Variants in PTPRQ observed in about 807,000 individuals in gnomAD.
The protein encoded by PTPRQ is phosphatidylinositol phosphatase PTPRQ.
Under a neutral mutation model 246.0 loss-of-function variants are expected in PTPRQ, and 199 were observed. That is an observed-to-expected ratio of 0.81 (90% CI 0.72 to 0.91). PTPRQ has a LOEUF of 0.91. PTPRQ is among the 40% of genes least tolerant of loss of function. PTPRQ has a pLI of 0.00. For missense variants in PTPRQ, 2,624 were observed against 2,528.4 expected (o/e 1.04, Z -0.81); for synonymous variants, 869 against 853.2 (o/e 1.02, Z -0.32).
chr12:80,604,233 G>A (rs951983300), intron 26 of PTPRQ, among the ~76,000 whole-genome samples: 1 of 151,312 alleles, frequency 6.6e-6, no homozygotes, highest in Non-Finnish European at 1.5e-5. Flanking sequence ...ATTGACTAGG[G>A]GCCCCAGGAG....
At chr12:80,494,038 T>C (rs61950958) in intron 10 of PTPRQ, among the ~76,000 whole-genome samples, 6,814 of 152,130 alleles carry the variant, frequency 0.045, 172 homozygotes, top group Middle Eastern at 0.095. Flanking sequence ...AAATGTTAAA[T>C]GAGAAAAACA....
At chr12:80,603,665 A>G (rs1898214855) in intron 26 of PTPRQ, among the ~76,000 whole-genome samples, 1 of 151,566 alleles carries the variant, frequency 6.6e-6, no homozygotes, top group South Asian at 2.1e-4. Flanking sequence ...ATACAACTCT[A>G]TCTGTCTGTG....
At chr12:80,534,545 C>G (rs1312110782) in intron 18 of PTPRQ, among the ~76,000 whole-genome samples, 1 of 151,846 alleles carries the variant, frequency 6.6e-6, no homozygotes, top group Non-Finnish European at 1.5e-5. Context: ...TTTTATTATT[C>G]AATATAAAAA....
intron 9 of PTPRQ, among the ~76,000 whole-genome samples, chr12:80,490,200 A>G (rs1009132347): frequency 6.6e-6 from 1 of 151,992 alleles, no homozygotes; most frequent in African/African-American, 2.4e-5. Flanking sequence ...AATTAAAAAA[A>G]TTTTTCTTTT....
intron 35 of PTPRQ, among the ~76,000 whole-genome samples, chr12:80,643,990 T>C (rs532783970): frequency 1.3e-5 from 2 of 152,354 alleles, no homozygotes; most frequent in East Asian, 3.9e-4. Context: ...GTTTCTCAGT[T>C]TGTCCCATAC....
chr12:80,617,387 A>G (rs536466052), intron 30 of PTPRQ, among the ~76,000 whole-genome samples: 6 of 151,558 alleles, frequency 4.0e-5, no homozygotes, highest in Admixed American at 1.3e-4. Context: ...GATACTCTTT[A>G]TAAGTGTTTG....
chr12:80,455,841 C>T (rs890255382), intron 3 of PTPRQ, among the ~76,000 whole-genome samples: 7 of 152,126 alleles, frequency 4.6e-5, no homozygotes, highest in South Asian at 2.1e-4. Flanking sequence ...CCTCGTGATT[C>T]GCCCACTTCT....
chr12:80,580,094 G>T lies in PTPRQ; in HGVS notation c.4286-8035G>T, dbSNP rs1897388618. Among the ~76,000 whole-genome samples, 3 of 152,040 alleles carry T rather than the reference G, an allele frequency of 2.0e-5. No individual in the cohort carries two copies. The South Asian group carries it at 6.2e-4, about 31-fold the overall frequency. On this transcript the variant is annotated intron_variant, in intron 25 of 44. Transcript: ENST00000644991. ...GAGAGTTTGGCAATTTCTAATAACT[G>T]ATATTCAGAAGTTTATAGAATAATT...
chr12:80,449,077 T>G (rs1892653015), intron 3 of PTPRQ, among the ~76,000 whole-genome samples: 1 of 151,702 alleles, frequency 6.6e-6, no homozygotes, highest in Admixed American at 6.6e-5. Context: ...CTAACTGGTG[T>G]GAGATGGTAT....
intron 39 of PTPRQ, among the ~76,000 whole-genome samples, chr12:80,663,912 G>A (rs191800311): frequency 4.0e-5 from 6 of 151,840 alleles, no homozygotes; most frequent in African/African-American, 1.2e-4. Context: ...TGATTCTATC[G>A]AATTTTCCAT....
At chr12:80,538,112 GA>G (rs1049430064) in intron 19 of PTPRQ, among the ~76,000 whole-genome samples, 3 of 149,906 alleles carry the variant, frequency 2.0e-5, no homozygotes, top group Middle Eastern at 3.4e-3. Context: ...CTGTTTTAAA[GA>G]AAAAAAAAGT....
At chr12:80,504,243 T>A (rs1894888055) in intron 14 of PTPRQ, among the ~76,000 whole-genome samples, 1 of 151,792 alleles carries the variant, frequency 6.6e-6, no homozygotes, top group Non-Finnish European at 1.5e-5. Context: ...AATACTATCA[T>A]CCTTTTCACT....
chr12:80,630,149 A>T (rs1899369981), intron 33 of PTPRQ, among the ~76,000 whole-genome samples: 2 of 152,148 alleles, frequency 1.3e-5, no homozygotes, highest in Admixed American at 1.3e-4. Flanking sequence ...AAGTTAATTT[A>T]TTTGAATCAG....
At chr12:80,667,466 C>G (rs1383177679) in intron 39 of PTPRQ, among the ~76,000 whole-genome samples, 1 of 151,950 alleles carries the variant, frequency 6.6e-6, no homozygotes, top group African/African-American at 2.4e-5. Context: ...AAAACTTTCT[C>G]TCATAGCCCT....
chr12:80,449,961 T>A (rs1892695378), intron 3 of PTPRQ, among the ~76,000 whole-genome samples: 1 of 152,202 alleles, frequency 6.6e-6, no homozygotes, highest in Non-Finnish European at 1.5e-5. Context: ...ATAAATTACC[T>A]TGGGCAGTAT....
chr12:80,487,988 G>A (rs540121579), intron 9 of PTPRQ, among the ~76,000 whole-genome samples: 2 of 152,116 alleles, frequency 1.3e-5, no homozygotes, highest in South Asian at 4.1e-4. Flanking sequence ...GAATCTACTT[G>A]CAGCCTCATT....
At chr12:80,479,162 A>G (rs536443245) in intron 8 of PTPRQ, among the ~76,000 whole-genome samples, 61 of 152,064 alleles carry the variant, frequency 4.0e-4, no homozygotes, top group South Asian at 3.1e-3. Flanking sequence ...AGCCCATCAG[A>G]CTAACAGCAG....
chr12:80,444,372 A>G lies in PTPRQ; in HGVS notation c.27A>G (p.Leu9=). 2.0e-6 allele frequency: 3 copies of G among 1,480,142 alleles called. No homozygotes were observed. The highest frequency in any genetic ancestry group is 9.2e-7 in the Non-Finnish European group (1 of 1,085,074). 91.7% of individuals were successfully genotyped at this position (1,480,142 alleles called of 1,614,324 possible). A position where few individuals can be genotyped will look rare whatever the true frequency, so the allele number is the denominator to read the frequency against. MDFLIIFL[L]LFIGTSETQV... is the part of the protein sequence containing the mutation. ...TGGATTTTCTTATCATTTTTCTTTTACTTTTTATTGGGACTTCAGAGACAC... is the reference window on the plus strand; with the variant it reads ...TGGATTTTCTTATCATTTTTCTTTTGCTTTTTATTGGGACTTCAGAGACAC... The change falls in exon 1 of 45, where the codon TTA becomes TTG. Residue 9 remains leucine, a synonymous_variant. Coordinates refer to ENST00000644991, the MANE Select transcript of PTPRQ (RefSeq NM_001145026.2).
chr12:80,654,177 C>T (rs562118478), intron 38 of PTPRQ, among the ~76,000 whole-genome samples: 1 of 152,122 alleles, frequency 6.6e-6, no homozygotes, highest in South Asian at 2.1e-4. Flanking sequence ...CTCACTGCAA[C>T]TTCTGCCTCC....
Sources: allele counts gnomAD v4.1 joint callset (sites outside exome capture counted in the v4.1 genomes callset), GRCh38; gene constraint gnomAD v4.1.1; transcripts MANE v1.5; gene names NCBI Gene and HGNC (gene_info 2026-07-23, HGNC 2026-07-21).